The following SCN1A variants were observed in gnomAD, a reference collection of about 807,000 sequenced individuals.
SCN1A encodes the protein sodium channel protein type 1 subunit alpha.
A neutral mutation model predicts 193.7 loss-of-function variants in SCN1A; 13 were observed. The ratio of observed to expected loss-of-function variants is 0.07; its 90% CI spans 0.04 to 0.11. The LOEUF is 0.11. Ranked by LOEUF, SCN1A falls within the 10% of genes least tolerant of loss-of-function variation. The pLI, the probability that SCN1A is intolerant of heterozygous loss-of-function variation, is 1.00. For missense variants in SCN1A, 1,432 were observed against 2,451.1 expected, an observed-to-expected ratio of 0.58 and a Z score of 8.78; for synonymous variants, 781 against 843.6, an observed-to-expected ratio of 0.93 and a Z score of 1.29.
upstream of SCN1A, among the ~76,000 whole-genome samples, chr2:166,129,569 A>AACATCC: frequency 6.6e-6 from 1 of 152,328 alleles, no homozygotes; most frequent in Middle Eastern, 3.4e-3. Flanking sequence ...AGTATCTGGT[A>AACATCC]GAGTCAGGGC....
intron 4 of SCN1A, among the ~76,000 whole-genome samples, chr2:166,062,018 T>G (rs1434309503): frequency 2.0e-5 from 3 of 152,192 alleles, no homozygotes; most frequent in Admixed American, 2.0e-4. Flanking sequence ...AATTTATAAA[T>G]GGAATTGGTA....
At chr2:166,136,423 C>CAT (rs61451614) in intron 1 of SCN1A, among the ~76,000 whole-genome samples, 65,527 of 151,122 alleles carry the variant, frequency 0.43, 14,947 homozygotes, top group African/African-American at 0.57. Flanking sequence ...CATATATATG[C>CAT]ATATATATAT....
chr2:166,095,951 C>A (rs1019182516), intron 2 of SCN1A, among the ~76,000 whole-genome samples: 1 of 152,056 alleles, frequency 6.6e-6, no homozygotes, highest in Admixed American at 6.6e-5. Context: ...TTGAACCCTC[C>A]CCTAAAAGCA....
rs1689402869 is a variant in SCN1A, at chr2:165,992,545, A to G, written c.4853-123T>C. 4.1e-6 allele frequency: 3 copies of G among 736,030 alleles called. No individual in the cohort carries two copies. In the South Asian group the frequency reaches 5.0e-5, roughly 12 times the overall value. 45.6% of individuals were successfully genotyped at this position (736,030 alleles called of 1,614,324 possible). A position where few individuals can be genotyped will look rare whatever the true frequency, so the allele number is the denominator to read the frequency against. On this transcript the variant is annotated intron_variant, in intron 28 of 28. Transcript: ENST00000674923. This position sits in a 1 kb window ranked among gnomAD's most constrained non-coding sequence, Gnocchi z 6.5. ...GAACCCAGTTATATTAAATATGACA[A>G]CTATATATAATATATATATAATTGT...
intron 2 of SCN1A, among the ~76,000 whole-genome samples, chr2:166,080,648 A>G (rs1685419249): frequency 6.6e-6 from 1 of 151,832 alleles, no homozygotes; most frequent in South Asian, 2.1e-4. Context: ...AAATAATCCA[A>G]AAGAACATGA....
rs1414783016 is a variant in SCN1A, at chr2:166,056,415, C to T, written c.469G>A (p.Val157Ile). 3 of 1,573,340 alleles carry T rather than the reference C, an allele frequency of 1.9e-6. No homozygotes were observed. The highest frequency in any genetic ancestry group is 1.1e-5 in the South Asian group (1 of 90,212). The change falls in exon 6 of 29, where the codon GTA (valine) becomes ATA (isoleucine). Residue 157 changes from valine to isoleucine, a missense_variant. Around this residue, in one of 18 missense-constraint regions of SCN1A, gnomAD observed 123 missense variants for 282.8 expected, o/e 0.43. Transcript: ENST00000674923. ...AAAAATATAAGTTGAACTTACTCTA[C>T]ATTCTTTGTCCAATCAGGAGGGTTA... The part of the protein sequence containing the change: ...MSNPPDWTKN[V>I]EYTFTGIYTF...
intron 23 of SCN1A, among the ~76,000 whole-genome samples, chr2:166,004,391 T>C (rs964131716): frequency 3.3e-5 from 5 of 151,532 alleles, no homozygotes; most frequent in African/African-American, 1.2e-4. Flanking sequence ...TCTATACCTA[T>C]TTCTCGATTT....
At chr2:166,086,413 G>A (rs60320779) in intron 2 of SCN1A, among the ~76,000 whole-genome samples, 244 of 152,288 alleles carry the variant, frequency 1.6e-3, no homozygotes, top group African/African-American at 5.8e-3. Context: ...CTCGGATCAT[G>A]CTAATGTCGC....
At chr2:166,023,042 C>T (rs1325049387) in intron 19 of SCN1A, among the ~76,000 whole-genome samples, 1 of 152,120 alleles carries the variant, frequency 6.6e-6, no homozygotes, top group African/African-American at 2.4e-5. Context: ...GCAAAATTCT[C>T]AACTTTAAAG....
intron 2 of SCN1A, among the ~76,000 whole-genome samples, chr2:166,093,963 C>A (rs1309389548): frequency 6.6e-6 from 1 of 152,106 alleles, no homozygotes; most frequent in Non-Finnish European, 1.5e-5. Flanking sequence ...ACACTTATGA[C>A]CCCAATATGT....
intron 4 of SCN1A, among the ~76,000 whole-genome samples, chr2:166,066,937 C>T (rs1683905262): frequency 6.6e-6 from 1 of 152,112 alleles, no homozygotes; most frequent in African/African-American, 2.4e-5. Context: ...CCAGGTCTAC[C>T]TCCCCAACCT....
At chr2:166,030,627 G>C (rs1273051134) in intron 19 of SCN1A, among the ~76,000 whole-genome samples, 1 of 151,868 alleles carries the variant, frequency 6.6e-6, no homozygotes, top group African/African-American at 2.4e-5. Flanking sequence ...ATAGCTTTTA[G>C]ATCTTCATAA....
At position 166,086,157 on chromosome 2, in the gene SCN1A, C is replaced by A. The variant is rs188447173; in HGVS notation, c.-141-8356G>T. 1.6e-3 allele frequency among the ~76,000 whole-genome samples: 250 copies of A among 152,182 alleles called. 2 individuals are homozygous for A. The highest frequency in any genetic ancestry group is 5.5e-3 in the African/African-American group (230 of 41,526). ...ATGGTGGATCAGGGAGTCAGACATA[C>A]CTCCTTATAACCCCTCCCTCACTAA... On this transcript the variant is annotated intron_variant, in intron 2 of 28. Transcript: ENST00000674923.
At position 166,048,018 on chromosome 2, in the gene SCN1A, C is replaced by T. The variant is rs542905390; in HGVS notation, c.1029-250G>A. On this transcript the variant is annotated intron_variant, in intron 10 of 28. Transcript: ENST00000674923. ...AATTTTTGTTGATAATTTGCATTTTCAACACCTCCATTTCATTTTTACTAC... is the reference window on the plus strand; with the variant it reads ...AATTTTTGTTGATAATTTGCATTTTTAACACCTCCATTTCATTTTTACTAC... 5.3e-5 allele frequency among the ~76,000 whole-genome samples: 8 copies of T among 152,102 alleles called. No homozygotes were observed. In the East Asian group the frequency reaches 1.4e-3, roughly 26 times the overall value.
intron 19 of SCN1A, among the ~76,000 whole-genome samples, chr2:166,024,151 A>G (rs949860040): frequency 9.9e-5 from 15 of 152,008 alleles, no homozygotes; most frequent in African/African-American, 3.6e-4. Context: ...GCTTGAGCCC[A>G]GGAGGTTGAG....
At chr2:166,149,079 C>G (rs1457206617) in exon 1 of SCN1A, 1 of 152,246 alleles carries the variant, frequency 6.6e-6, no homozygotes, top group Non-Finnish European at 1.5e-5. Flanking sequence ...TCAGCTTCCT[C>G]CAGCTTCCAT....
In SCN1A at chr2:165,994,428, T is replaced by C. The variant is rs752455718; in HGVS notation, c.4582-12A>G. On this transcript the variant is annotated splice_polypyrimidine_tract_variant and intron_variant, in intron 27 of 28. Coordinates refer to ENST00000674923, the MANE Select transcript of SCN1A (RefSeq NM_001165963.4). ...CCTTGAAATTTGTTCTGTAGAGAAA[T>C]AGAAATGCTTTTAACAACAAAGGAG... 6.4e-5 allele frequency: 103 copies of C among 1,612,202 alleles called. No individual in the cohort carries two copies. Among genetic ancestry groups the C allele is most frequent in the Non-Finnish European group, 8.5e-5 (100 of 1,178,836 alleles).
chr2:165,985,829 A>G lies in SCN1A; in HGVS notation c.*5416T>C, dbSNP rs1052538480. 3 of 152,178 alleles carry G rather than the reference A, an allele frequency of 2.0e-5. No individual in the cohort carries two copies. The highest frequency in any genetic ancestry group is 6.5e-5 in the Admixed American group (1 of 15,274). 9.4% of individuals were successfully genotyped at this position (152,178 alleles called of 1,614,324 possible). A position where few individuals can be genotyped will look rare whatever the true frequency, so the allele number is the denominator to read the frequency against. On this transcript the variant is annotated 3_prime_UTR_variant, in exon 29 of 29. Coordinates refer to ENST00000674923, the MANE Select transcript of SCN1A (RefSeq NM_001165963.4). ...AGTACCCAATTCATGGTGGTTTAGA[A>G]ACACATTTATTTTCTTATATAATAA...
At chr2:166,009,120 G>A (rs1218370833) in intron 23 of SCN1A, among the ~76,000 whole-genome samples, 1 of 150,898 alleles carries the variant, frequency 6.6e-6, no homozygotes, top group African/African-American at 2.4e-5. Flanking sequence ...TTACTTTATT[G>A]TTATAAAAAT....
Sources: allele counts gnomAD v4.1 joint callset (sites outside exome capture counted in the v4.1 genomes callset), GRCh38; gene constraint gnomAD v4.1.1; regional missense constraint gnomAD v4.1.1; non-coding constraint Gnocchi (gnomAD v3.1); transcripts MANE v1.5; gene names NCBI Gene and HGNC (gene_info 2026-07-23, HGNC 2026-07-21).